Variants in DAAM2 observed in about 807,000 individuals in gnomAD.
DAAM2 encodes the protein disheveled-associated activator of morphogenesis 2.
DAAM2 carries 39 observed loss-of-function variants against 120.7 expected under a neutral mutation model. The observed-to-expected ratio is 0.32, with a 90% CI of 0.25 to 0.42. The LOEUF is 0.42. DAAM2 is among the 10% of genes least tolerant of loss of function. The pLI is 1.00. For synonymous variants in DAAM2, 488 were observed against 524.9 expected (o/e 0.93, Z 0.96); for missense variants, 1,283 against 1,401.7 (o/e 0.92, Z 1.35).
At chr6:39,807,279 G>A (rs1762036834) in intron 1 of DAAM2, among the ~76,000 whole-genome samples, 1 of 151,442 alleles carries the variant, frequency 6.6e-6, no homozygotes, top group African/African-American at 2.4e-5. Flanking sequence ...ACAATATTAA[G>A]CAAGTTGCAG....
chr6:39,865,884 A>T (rs1005090915), intron 5 of DAAM2, among the ~76,000 whole-genome samples: 5 of 152,258 alleles, frequency 3.3e-5, no homozygotes, highest in African/African-American at 1.2e-4. Flanking sequence ...TTGAGTTTAC[A>T]TGCATTGTAT....
intron 1 of DAAM2, among the ~76,000 whole-genome samples, chr6:39,818,139 A>G (rs911936544): frequency 2.0e-5 from 3 of 148,480 alleles, no homozygotes; most frequent in South Asian, 4.3e-4. Flanking sequence ...AGGTGGCGTC[A>G]CTGCACTCCA....
intron 1 of DAAM2, among the ~76,000 whole-genome samples, chr6:39,830,496 C>T (rs568278926): frequency 1.2e-3 from 186 of 152,260 alleles, no homozygotes; most frequent in Non-Finnish European, 1.9e-3. Flanking sequence ...TCTTCTTCAT[C>T]GTGAGTGGGG....
chr6:39,804,229 T>A (rs1761945723), intron 1 of DAAM2, among the ~76,000 whole-genome samples: 1 of 152,198 alleles, frequency 6.6e-6, no homozygotes, highest in South Asian at 2.1e-4. Flanking sequence ...GGTGAGCTTC[T>A]TTTCTCAGAT....
In DAAM2 at chr6:39,897,256, A is replaced by T; in HGVS notation, c.2592A>T (p.Gln864His). 1.2e-6 allele frequency: 2 copies of T among 1,612,748 alleles called. No individual in the cohort carries two copies. Among genetic ancestry groups the T allele is most frequent in the South Asian group, 2.2e-5 (2 of 91,044 alleles). Residue 864 changes from glutamine (Q) to histidine (H), a missense_variant, in exon 21 of 25, where the codon CAA (glutamine) becomes CAT (histidine). Coordinates refer to ENST00000274867, the MANE Select transcript of DAAM2 (RefSeq NM_001201427.2). ...TTCTAAACATGCCTTCAGAGCTGCAACATCTTCCAGAAGCTGCCAAAGTCA... is the reference window on the plus strand; with the variant it reads ...TTCTAAACATGCCTTCAGAGCTGCATCATCTTCCAGAAGCTGCCAAAGTCA... ...PDILNMPSEL[Q>H]HLPEAAKVNL...
At chr6:39,856,493 A>G (rs563795633) in intron 2 of DAAM2, 23 bp downstream of exon 2, 146 of 1,410,346 alleles carry the variant, frequency 1.0e-4, no homozygotes, top group Non-Finnish European at 1.3e-4. Flanking sequence ...GTGGGGAGAG[A>G]CAGTGACAAT....
intron 1 of DAAM2, chr6:39,819,866 G>A (rs1468645692): frequency 3.9e-5 from 6 of 152,352 alleles, no homozygotes; most frequent in Non-Finnish European, 7.3e-5. Flanking sequence ...GTTCAGGGGA[G>A]CTCCACCCTC....
chr6:39,877,841 A>G (rs1298423212), intron 11 of DAAM2, among the ~76,000 whole-genome samples: 14 of 152,212 alleles, frequency 9.2e-5, no homozygotes, highest in Non-Finnish European at 5.9e-5. Flanking sequence ...AACCTATTTT[A>G]CAAGGAGGTG....
At chr6:39,842,036 A>G (rs1582657060) in intron 1 of DAAM2, among the ~76,000 whole-genome samples, 1 of 152,356 alleles carries the variant, frequency 6.6e-6, no homozygotes, top group East Asian at 1.9e-4. Context: ...ATGCAGGTTT[A>G]TAAAGAAGCA....
intron 1 of DAAM2, among the ~76,000 whole-genome samples, chr6:39,852,224 G>C (rs1763833993): frequency 6.6e-6 from 1 of 152,228 alleles, no homozygotes; most frequent in Non-Finnish European, 1.5e-5. Context: ...TTGTGTCTTT[G>C]CATCCCCTTT....
At chr6:39,806,985 C>T (rs193193168) in intron 1 of DAAM2, among the ~76,000 whole-genome samples, 47 of 152,152 alleles carry the variant, frequency 3.1e-4, no homozygotes, top group South Asian at 1.0e-3. Flanking sequence ...ACTGAAGATG[C>T]ATTTACTGTA....
At chr6:39,810,168 G>A (rs1464059206) in intron 1 of DAAM2, among the ~76,000 whole-genome samples, 1 of 152,162 alleles carries the variant, frequency 6.6e-6, no homozygotes, top group Non-Finnish European at 1.5e-5. Flanking sequence ...GTCCCAAACT[G>A]CAGTGGAGTC....
At position 39,892,001 on chromosome 6, in the gene DAAM2, G is replaced by A. The variant is rs533879271; in HGVS notation, c.2341+279G>A. Among the ~76,000 whole-genome samples the A allele has an allele frequency of 4.2e-3, 633 of 152,278 alleles. 5 individuals carry two copies. Among genetic ancestry groups the A allele is most frequent in the Non-Finnish European group, 6.5e-3 (445 of 68,022 alleles). The stretch of plus-strand genomic sequence containing the variant: ...GTTGACATCTGCCCCAGCATGGGAT[G>A]GAAAGGTAGAAAAGATAATAATAGC... On this transcript the variant is annotated intron_variant, in intron 19 of 24. Coordinates refer to ENST00000274867, the MANE Select transcript of DAAM2 (RefSeq NM_001201427.2).
intron 1 of DAAM2, among the ~76,000 whole-genome samples, chr6:39,845,694 G>T (rs950017401): frequency 3.3e-5 from 5 of 151,754 alleles, no homozygotes; most frequent in African/African-American, 1.2e-4. Flanking sequence ...TCCTATACTT[G>T]CTTGTCCAGT....
rs925072462 is a variant in DAAM2, at chr6:39,870,259, G to A, written c.874-81G>A. 4 of 804,950 alleles carry A rather than the reference G, an allele frequency of 5.0e-6. No homozygotes were observed. The African/African-American group carries it at 5.1e-5, about 10-fold the overall frequency. 49.9% of individuals were successfully genotyped at this position (804,950 alleles called of 1,614,324 possible). ...GGAGATGTGTTGGGTCTGTGGCTAGGGTGGTGATGAGGGCTCCACTGGGGA... is the reference window on the plus strand; with the variant it reads ...GGAGATGTGTTGGGTCTGTGGCTAGAGTGGTGATGAGGGCTCCACTGGGGA... On this transcript the variant is annotated intron_variant, in intron 7 of 24. Transcript: ENST00000274867.
In DAAM2 at chr6:39,888,614, A is replaced by AG. The variant is rs1377889211; in HGVS notation, c.2061-63dup. 56 of 1,399,488 alleles carry AG rather than the reference A, an allele frequency of 4.0e-5. 1 individual carries two copies. In the South Asian group the frequency reaches 5.1e-4, roughly 13 times the overall value. 86.7% of individuals were successfully genotyped at this position (1,399,488 alleles called of 1,614,324 possible). On this transcript the variant is annotated intron_variant, in intron 16 of 24. Coordinates refer to ENST00000274867, the MANE Select transcript of DAAM2 (RefSeq NM_001201427.2). ...CCTGTTAGGGAATGAGGGAAGGCGG[A>AG]GGTGGTACCTTTTGGAGAAGAAGGT...
chr6:39,894,418 A>G (rs1223956381), intron 19 of DAAM2, among the ~76,000 whole-genome samples: 1 of 152,164 alleles, frequency 6.6e-6, no homozygotes, highest in Non-Finnish European at 1.5e-5. Flanking sequence ...AAAGTACACA[A>G]ATCATAAGAG....
intron 2 of DAAM2, among the ~76,000 whole-genome samples, chr6:39,858,338 A>G (rs893147866): frequency 6.6e-6 from 1 of 152,330 alleles, no homozygotes; most frequent in African/African-American, 2.4e-5. Flanking sequence ...TCCTAATCCT[A>G]CAGGTTAGAG....
intron 1 of DAAM2, among the ~76,000 whole-genome samples, chr6:39,832,027 G>A (rs1272328615): frequency 6.9e-6 from 1 of 145,632 alleles, no homozygotes; most frequent in African/African-American, 2.6e-5. Context: ...AGGGACAGGT[G>A]CACTGGGGGC....
Sources: allele counts gnomAD v4.1 joint callset (sites outside exome capture counted in the v4.1 genomes callset), GRCh38; gene constraint gnomAD v4.1.1; transcripts MANE v1.5; gene names NCBI Gene and HGNC (gene_info 2026-07-23, HGNC 2026-07-21).